Variants in LRIG1 observed in about 807,000 individuals in gnomAD.
LRIG1 encodes the protein leucine rich repeats and immunoglobulin like domains 1.
In LRIG1, 48 loss-of-function variants were observed where a neutral mutation model predicts 99.2. That is an observed-to-expected ratio of 0.48 (90% confidence interval 0.38 to 0.62). LRIG1 has a LOEUF of 0.62. Ranked by LOEUF, LRIG1 falls within the 20% of genes least tolerant of loss-of-function variation. The pLI, the probability that LRIG1 is intolerant of heterozygous loss-of-function variation, is 0.00. For synonymous variants in LRIG1, 772 were observed against 596.1 expected (o/e 1.29, Z -4.30); for missense variants, 1,646 against 1,434.4 (o/e 1.15, Z -2.38).
chr3:66,467,445 C>T (rs777620733), intron 1 of LRIG1, among the ~76,000 whole-genome samples: 1 of 151,198 alleles, frequency 6.6e-6, no homozygotes, highest in Non-Finnish European at 1.5e-5. Context: ...CTACAAGCTC[C>T]GTCTCCTGGG....
rs373168471 is a variant in LRIG1, at chr3:66,380,240, A to G, written c.*23T>C. ...TCTCTTTCCCGTAGAGATTGGTATG[A>G]CAAGAACTGAGGTAGACAAAACCTA... On this transcript the variant is annotated 3_prime_UTR_variant, in exon 19 of 19. Transcript: ENST00000273261. The G allele has an allele frequency of 8.8e-6, 14 of 1,588,116 alleles. No homozygotes were observed. The highest frequency in any genetic ancestry group is 5.4e-5 in the African/African-American group (4 of 74,334).
intron 3 of LRIG1, among the ~76,000 whole-genome samples, chr3:66,437,417 A>G (rs1349773974): frequency 6.6e-6 from 1 of 152,202 alleles, no homozygotes; most frequent in African/African-American, 2.4e-5. Context: ...GGCCTCTCAC[A>G]TGGCAGTTTC....
chr3:66,486,167 A>G (rs1399016820), intron 1 of LRIG1, among the ~76,000 whole-genome samples: 1 of 152,230 alleles, frequency 6.6e-6, no homozygotes, highest in African/African-American at 2.4e-5. Flanking sequence ...TTATTGCGAC[A>G]GTTATAATAA....
intron 11 of LRIG1, among the ~76,000 whole-genome samples, chr3:66,395,525 C>T (rs531736793): frequency 6.6e-6 from 1 of 152,296 alleles, no homozygotes; most frequent in South Asian, 2.1e-4. Flanking sequence ...TTGGAAAGTG[C>T]TTTTCCAAAA....
At chr3:66,486,406 CACA>C (rs1036954058) in intron 1 of LRIG1, among the ~76,000 whole-genome samples, 1 of 152,140 alleles carries the variant, frequency 6.6e-6, no homozygotes, top group African/African-American at 2.4e-5. Context: ...GCTGCATCCC[CACA>C]ACCATGGCCC....
Position 66,384,095 on chromosome 3 carries a change from A to G in LRIG1, c.1967T>C (p.Val656Ala), listed in dbSNP as rs1701245656. 1 of 1,614,082 alleles carries G rather than the reference A, an allele frequency of 6.2e-7. No homozygotes were observed. Among genetic ancestry groups the G allele is most frequent in the Non-Finnish European group, 8.5e-7 (1 of 1,180,054 alleles). The part of the protein sequence containing the change: ...RRMHVMPDDD[V>A]FFITDVKIDD... ...TATTTTCACATCAGTGATGAAAAAC[A>G]CGTCGTCATCCGGCATGACATGCAT... is the stretch of plus-strand genomic sequence containing the variant. The change falls in exon 14 of 19, where the codon GTG (valine) becomes GCG (alanine). Residue 656 changes from valine to alanine, a missense_variant. By Grantham distance (64) the Val-to-Ala change is moderately conservative. Transcript: ENST00000273261.
chr3:66,479,506 G>A (rs1283423124), intron 1 of LRIG1, among the ~76,000 whole-genome samples: 1 of 152,202 alleles, frequency 6.6e-6, no homozygotes, highest in Non-Finnish European at 1.5e-5. Context: ...GCCTGAGGAA[G>A]ATAGAGAAAA....
At position 66,380,053 on chromosome 3, in the gene LRIG1, A is replaced by G. The variant is rs1278203614; in HGVS notation, c.*210T>C. 5 of 481,808 alleles carry G rather than the reference A, an allele frequency of 1.0e-5. No homozygotes were observed. Among genetic ancestry groups the G allele is most frequent in the African/African-American group, 7.6e-5 (4 of 52,288 alleles). 29.8% of individuals were successfully genotyped at this position (481,808 alleles called of 1,614,324 possible). On this transcript the variant is annotated 3_prime_UTR_variant, in exon 19 of 19. Coordinates refer to ENST00000273261, the MANE Select transcript of LRIG1 (RefSeq NM_015541.3). ...AAATCTCTGAAAACTCTTATGTACA[A>G]TGATATCAAATACTTTTTTTGCCTT...
intron 1 of LRIG1, among the ~76,000 whole-genome samples, chr3:66,473,689 C>A (rs1443277444): frequency 6.6e-6 from 1 of 152,136 alleles, no homozygotes; most frequent in Admixed American, 6.5e-5. Context: ...GCGAATTTAC[C>A]CACAACTTTT....
At chr3:66,403,483 G>A (rs540028954) in intron 9 of LRIG1, among the ~76,000 whole-genome samples, 8 of 152,230 alleles carry the variant, frequency 5.3e-5, no homozygotes, top group African/African-American at 1.7e-4. Context: ...AAGTTCCCAG[G>A]AGTCTCAGGA....
chr3:66,392,940 GAA>G (rs973308765), intron 12 of LRIG1, among the ~76,000 whole-genome samples: 1 of 152,232 alleles, frequency 6.6e-6, no homozygotes, highest in South Asian at 2.1e-4. Flanking sequence ...AGATCGGTAT[GAA>G]AAGTCAGTTT....
intron 3 of LRIG1, among the ~76,000 whole-genome samples, chr3:66,426,112 T>G (rs1004794388): frequency 2.0e-5 from 3 of 152,126 alleles, no homozygotes; most frequent in Non-Finnish European, 4.4e-5. Flanking sequence ...TGGGACAAGG[T>G]GGGTCAAGTG....
chr3:66,490,375 G>C (rs1009256514), intron 1 of LRIG1, among the ~76,000 whole-genome samples: 2 of 152,142 alleles, frequency 1.3e-5, no homozygotes, highest in Non-Finnish European at 2.9e-5. Flanking sequence ...TGGAAGCAAC[G>C]AGCTCTTCTG....
intron 3 of LRIG1, among the ~76,000 whole-genome samples, chr3:66,442,109 T>C (rs1703560290): frequency 6.6e-6 from 1 of 152,180 alleles, no homozygotes. Flanking sequence ...ACACAAACAG[T>C]GATTTCATGG....
chr3:66,461,505 T>C (rs1700353478), intron 2 of LRIG1, among the ~76,000 whole-genome samples: 1 of 152,148 alleles, frequency 6.6e-6, no homozygotes, highest in Admixed American at 6.5e-5. Context: ...ATTTACATGA[T>C]AAAGTATCTT....
rs142283895 is a variant in LRIG1 at position 66,410,227 on chromosome 3, G to T, written c.837C>A (p.Leu279=). 222 of 1,613,968 alleles carry T rather than the reference G, an allele frequency of 1.4e-4. 3 individuals are homozygous for T. The African/African-American group carries it at 1.7e-3, about 12-fold the overall frequency. Residue 279 remains leucine (L), a synonymous_variant, in exon 7 of 19, where the codon CTC becomes CTA. Transcript: ENST00000273261. ...GCTGATGCAGGGCCGTGAGGCCGTA[G>T]AGCGAGCCGCTGTTCACTTCTACCA... ...NSLVEVNSGS[L]YGLTALHQLH... is the part of the protein sequence containing the mutation.
rs1353505646 is a variant in LRIG1, at chr3:66,383,844, TAACTC to T, written c.2071+142_2071+146del. 195 of 1,139,036 alleles carry T rather than the reference TAACTC, an allele frequency of 1.7e-4. No individual in the cohort carries two copies. In the East Asian group the frequency reaches 2.1e-3, roughly 12 times the overall value. 70.6% of individuals were successfully genotyped at this position (1,139,036 alleles called of 1,614,324 possible). ...ATAGAAACACTTGTTTAAGAAAAATTAACTCAACTCAAAAAGCAGCCCCAAATTTC... is the reference window on the plus strand; with the variant it reads ...ATAGAAACACTTGTTTAAGAAAAATTAACTCAAAAAGCAGCCCCAAATTTC... On this transcript the variant is annotated intron_variant, in intron 14 of 18. Transcript: ENST00000273261.
At position 66,382,021 on chromosome 3, in the gene LRIG1, A is replaced by C. The variant is rs1487952071; in HGVS notation, c.2617+252T>G. Among the ~76,000 whole-genome samples, 3 of 152,230 alleles carry C rather than the reference A, an allele frequency of 2.0e-5. No individual in the cohort carries two copies. In the East Asian group the frequency reaches 5.8e-4, roughly 29 times the overall value. ...GCCCTTTCCAGCTGCTACTCCAGGC[A>C]AGCCTACTTTATCCTGCCAGGGAGA... On this transcript the variant is annotated intron_variant, in intron 16 of 18. Coordinates refer to ENST00000273261, the MANE Select transcript of LRIG1 (RefSeq NM_015541.3).
chr3:66,418,701 C>T (rs991686457), intron 3 of LRIG1, among the ~76,000 whole-genome samples: 12 of 152,322 alleles, frequency 7.9e-5, no homozygotes, highest in African/African-American at 2.6e-4. Flanking sequence ...AGCCAGGCGT[C>T]GCTTACCAAG....
Sources: gnomAD v4.1 joint callset for allele counts (sites outside exome capture counted in the v4.1 genomes callset) on GRCh38, gnomAD v4.1.1 for gene constraint, MANE v1.5 for transcripts, NCBI Gene and HGNC (gene_info 2026-07-23, HGNC 2026-07-21) for gene names.